The following PCDHA2 variants were observed in gnomAD, a reference collection of about 807,000 sequenced individuals.
The protein encoded by PCDHA2 is protocadherin alpha-2.
Under a neutral mutation model 66.0 loss-of-function variants are expected in PCDHA2, and 58 were observed. The observed-to-expected ratio is 0.88, with a 90% CI of 0.71 to 1.09. The LOEUF (loss-of-function observed/expected upper bound fraction) is 1.09, where lower values mean the gene tolerates loss of function less well. PCDHA2 is among the 50% of genes least tolerant of loss of function. The pLI is 0.00. For synonymous variants in PCDHA2, 634 were observed against 554.0 expected (o/e 1.14, Z -2.03); for missense variants, 1,267 against 1,242.3 (o/e 1.02, Z -0.30).
intron 2 of PCDHA2, 176 bp downstream of exon 2, chr5:140,979,183 G>C (rs2096838721): frequency 1.1e-6 from 1 of 925,482 alleles, no homozygotes; most frequent in Admixed American, 6.2e-5. Context: ...CAAATGGTCA[G>C]TGCCAGATGC....
At chr5:140,973,800 C>A (rs1554235613) in intron 1 of PCDHA2, among the ~76,000 whole-genome samples, 1 of 152,236 alleles carries the variant, frequency 6.6e-6, no homozygotes, top group Non-Finnish European at 1.5e-5. Context: ...ATGCTGTCTA[C>A]TTGACAGAAT....
chr5:140,881,269 GAAGT>G (rs1235494766), intron 1 of PCDHA2: 1 of 648,656 alleles, frequency 1.5e-6, no homozygotes, highest in African/African-American at 2.0e-5. Context: ...CAGTGATGAT[GAAGT>G]AAGATGGAGA....
At chr5:140,819,899 A>T (rs1188836600) in intron 1 of PCDHA2, among the ~76,000 whole-genome samples, 1 of 152,028 alleles carries the variant, frequency 6.6e-6, no homozygotes, top group Non-Finnish European at 1.5e-5. Context: ...TCTGCAGATT[A>T]CAATGTACAC....
At chr5:140,917,875 T>TC (rs1459321723) in intron 1 of PCDHA2, among the ~76,000 whole-genome samples, 11 of 152,026 alleles carry the variant, frequency 7.2e-5, no homozygotes, top group Non-Finnish European at 7.4e-5. Context: ...CTATTTGGGC[T>TC]CTTTTTTTTT....
chr5:140,796,141 G>T lies in PCDHA2; in HGVS notation c.1177G>T (p.Val393Phe), dbSNP rs1054445908. ...GHVTCSLTPH[V>F]PFKLVSTFKN... ...TGTCACCTGCTCCCTGACGCCCCAC[G>T]TCCCTTTCAAGCTGGTGTCCACCTT... The change falls in exon 1 of 4, where the codon GTC becomes TTC. Residue 393 changes from valine (V) to phenylalanine (F), a missense_variant. Val to Phe is a conservative substitution (Grantham distance 50). Coordinates refer to ENST00000526136, the MANE Select transcript of PCDHA2 (RefSeq NM_018905.3). The T allele has an allele frequency of 5.0e-6, 8 of 1,614,040 alleles. No individual in the cohort carries two copies. Among genetic ancestry groups the T allele is most frequent in the Non-Finnish European group, 5.9e-6 (7 of 1,180,052 alleles).
intron 1 of PCDHA2, chr5:140,848,567 G>C (rs2150412959): frequency 6.3e-7 from 1 of 1,595,646 alleles, no homozygotes; most frequent in Non-Finnish European, 8.6e-7. Flanking sequence ...TCGCAATGTG[G>C]GTGGTGGGGA....
intron 1 of PCDHA2, among the ~76,000 whole-genome samples, chr5:140,838,872 G>A (rs2150293178): frequency 6.6e-6 from 1 of 152,012 alleles, no homozygotes; most frequent in Non-Finnish European, 1.5e-5. Flanking sequence ...CAGTTATCAT[G>A]CCACTGAACT....
intron 1 of PCDHA2, among the ~76,000 whole-genome samples, chr5:140,797,724 T>G (rs1484431729): frequency 1.3e-5 from 2 of 152,250 alleles, no homozygotes; most frequent in African/African-American, 4.8e-5. Context: ...ATACGTATTT[T>G]CAACTGACAC....
At chr5:140,978,240 C>T (rs1290697340) in intron 1 of PCDHA2, among the ~76,000 whole-genome samples, 3 of 152,174 alleles carry the variant, frequency 2.0e-5, no homozygotes, top group African/African-American at 7.2e-5. Context: ...TGGATTTCAG[C>T]TACTCCCTGT....
rs1361440512 is a variant in PCDHA2, at chr5:140,875,201, G to A, written c.2388+77849G>A. 5.0e-5 allele frequency: 30 copies of A among 595,474 alleles called. No homozygotes were observed. The East Asian group carries it at 1.1e-3, about 21-fold the overall frequency. 36.9% of individuals were successfully genotyped at this position (595,474 alleles called of 1,614,324 possible). A position where few individuals can be genotyped will look rare whatever the true frequency, so the allele number is the denominator to read the frequency against. On this transcript the variant is annotated intron_variant, in intron 1 of 3. Coordinates refer to ENST00000526136, the MANE Select transcript of PCDHA2 (RefSeq NM_018905.3). ...AGAATTAAGAGTGACCCAGGAAGTG[G>A]CTAAACCGAAAAGAACCTCAGGATC... is the stretch of plus-strand genomic sequence containing the variant.
chr5:140,795,301 C>G lies in PCDHA2; in HGVS notation c.337C>G (p.Pro113Ala). The G allele has an allele frequency of 1.2e-6, 2 of 1,614,192 alleles. No individual in the cohort carries two copies. Among genetic ancestry groups the G allele is most frequent in the South Asian group, 1.1e-5 (1 of 91,088 alleles). ...SIHVEVIVDRPLQVFHVEVEV... is the reference protein window; with the variant it reads ...SIHVEVIVDRALQVFHVEVEV... The stretch of plus-strand genomic sequence containing the variant: ...CCACGTGGAGGTGATCGTGGACAGG[C>G]CGCTGCAGGTTTTCCATGTGGAAGT... Residue 113 changes from proline (P) to alanine (A), a missense_variant, in exon 1 of 4, where the codon CCG becomes GCG. Physicochemically the swap from Pro to Ala is conservative, Grantham distance 27 (BLOSUM62 -1). Transcript: ENST00000526136.
At chr5:140,839,304 A>G (rs1554137374) in intron 1 of PCDHA2, among the ~76,000 whole-genome samples, 1 of 152,048 alleles carries the variant, frequency 6.6e-6, no homozygotes, top group Non-Finnish European at 1.5e-5. Flanking sequence ...AGTTTTAAAT[A>G]TCCTATTTAT....
rs782448077 is a variant in PCDHA2 at position 140,870,373 on chromosome 5, G to T, written c.2388+73021G>T. 68 of 1,614,118 alleles carry T rather than the reference G, an allele frequency of 4.2e-5. No individual in the cohort carries two copies. In the Admixed American group the frequency reaches 5.3e-4, roughly 13 times the overall value. On this transcript the variant is annotated intron_variant, in intron 1 of 3. Coordinates refer to ENST00000526136, the MANE Select transcript of PCDHA2 (RefSeq NM_018905.3). The stretch of plus-strand genomic sequence containing the variant: ...GAACGTGTGGGCCTATGAACTGGTG[G>T]TGACTGCGCGGGATGGGGGTTCGCC...
chr5:140,883,685 C>T (rs782100865), intron 1 of PCDHA2: 50 of 1,613,734 alleles, frequency 3.1e-5, no homozygotes, highest in Non-Finnish European at 3.7e-5. Context: ...GCCGGGCTGC[C>T]ACATCTTCAC....
intron 1 of PCDHA2, among the ~76,000 whole-genome samples, chr5:140,923,268 G>C (rs2081286092): frequency 6.6e-6 from 1 of 152,154 alleles, no homozygotes; most frequent in Non-Finnish European, 1.5e-5. Context: ...GTGAGACCTT[G>C]TCTCTACAAA....
At chr5:140,994,226 G>A (rs2097606248) in intron 3 of PCDHA2, among the ~76,000 whole-genome samples, 1 of 152,162 alleles carries the variant, frequency 6.6e-6, no homozygotes. Flanking sequence ...GTCTGTCTAT[G>A]TTATAATCAA....
At position 140,850,786 on chromosome 5, in the gene PCDHA2, A is replaced by C. The variant is rs2150498536; in HGVS notation, c.2388+53434A>C. 0.62 allele frequency: 994,890 copies of C among 1,596,700 alleles called. 342,727 individuals are homozygous for C. The highest frequency in any genetic ancestry group is 0.72 in the African/African-American group (53,217 of 73,966). The stretch of plus-strand genomic sequence containing the variant: ...CAGAGGGTGTGCTCTGGCGAGGGTA[A>C]GCAGAAGACCGACCTCATGGCCTTC... On this transcript the variant is annotated intron_variant, in intron 1 of 3. Transcript: ENST00000526136.
intron 1 of PCDHA2, among the ~76,000 whole-genome samples, chr5:140,977,477 A>G (rs919582107): frequency 4.6e-5 from 7 of 152,230 alleles, no homozygotes. Flanking sequence ...AGATAATTTT[A>G]TGCTATGTTA....
chr5:140,823,659 C>G (rs1562273954), intron 1 of PCDHA2: 4 of 1,613,984 alleles, frequency 2.5e-6, no homozygotes, highest in East Asian at 4.5e-5. Flanking sequence ...TGTACACAGG[C>G]GAGATCAGCA....
Sources: gnomAD v4.1 joint callset for allele counts (sites outside exome capture counted in the v4.1 genomes callset) on GRCh38, gnomAD v4.1.1 for gene constraint, MANE v1.5 for transcripts, NCBI Gene and HGNC (gene_info 2026-07-23, HGNC 2026-07-21) for gene names.